Variants in SENP6 observed in about 807,000 individuals in gnomAD.
The protein encoded by SENP6 is sentrin-specific protease 6.
In SENP6, 41 loss-of-function variants were observed where a neutral mutation model predicts 134.5. The ratio of observed to expected loss-of-function variants is 0.30; its 90% CI spans 0.24 to 0.40. SENP6 has a LOEUF of 0.40. Ranked by LOEUF, SENP6 falls within the 10% of genes least tolerant of loss-of-function variation. SENP6 has a pLI of 1.00. For missense variants in SENP6, 1,248 were observed against 1,312.5 expected (o/e 0.95, Z 0.76); for synonymous variants, 395 against 429.8 (o/e 0.92, Z 1.00).
At chr6:75,700,822 A>C (rs746157436) in intron 18 of SENP6, among the ~76,000 whole-genome samples, 2 of 152,144 alleles carry the variant, frequency 1.3e-5, no homozygotes. Context: ...TTTTTTTCAC[A>C]TTGCAACATG....
intron 10 of SENP6, among the ~76,000 whole-genome samples, chr6:75,667,360 A>G (rs1772323789): frequency 1.3e-5 from 2 of 152,216 alleles, no homozygotes; most frequent in South Asian, 2.1e-4. Flanking sequence ...CAGTGTATCT[A>G]GGACAACTAT....
rs750579575 is a variant in SENP6, at chr6:75,666,954, T to C, written c.1224+13T>C. 9.7e-6 allele frequency: 15 copies of C among 1,554,046 alleles called. No homozygotes were observed. In the South Asian group the frequency reaches 1.7e-4, roughly 18 times the overall value. ...AATGAAAGACCAGGTACTTTTCACT[T>C]TTGTTGACATTTGTTCAGATTAATG... On this transcript the variant is annotated intron_variant, in intron 10 of 23. Coordinates refer to ENST00000447266, the MANE Select transcript of SENP6 (RefSeq NM_015571.4).
intron 19 of SENP6, among the ~76,000 whole-genome samples, chr6:75,703,366 A>T (rs540042598): frequency 6.6e-6 from 1 of 152,338 alleles, no homozygotes; most frequent in South Asian, 2.1e-4. Flanking sequence ...CTTTTAATTT[A>T]TACTGAGGTA....
Position 75,663,398 on chromosome 6 carries a change from G to T in SENP6, c.874G>T (p.Asp292Tyr). Residue 292 changes from aspartate (D) to tyrosine (Y), a missense_variant, in exon 9 of 24, where the codon GAT becomes TAT. By Grantham distance (160) the Asp-to-Tyr change is radical. This residue lies in a region of SENP6 where 733 missense variants were observed against 725.4 expected (regional missense o/e 1.01). Coordinates refer to ENST00000447266, the MANE Select transcript of SENP6 (RefSeq NM_015571.4). ...TCCAATTGATATTATTGTGAATTGT[G>T]ATGACAGTAAACACACTTATTTACA... is the stretch of plus-strand genomic sequence containing the variant. The part of the protein sequence containing the change: ...KVPIDIIVNC[D>Y]DSKHTYLQTN... 1 of 1,613,740 alleles carries T rather than the reference G, an allele frequency of 6.2e-7. No individual in the cohort carries two copies. Among genetic ancestry groups the T allele is most frequent in the Non-Finnish European group, 8.5e-7 (1 of 1,179,816 alleles).
Position 75,670,588 on chromosome 6 carries a change from T to C in SENP6, c.1260T>C (p.Arg420=). The part of the protein sequence containing the change: ...GNSIINTPLK[R]RKVFSQEPPD... ...CTATTATCAACACACCTCTGAAACGTCGTAAAGTGTTTTCTCAAGAACCTC... is the reference window on the plus strand; with the variant it reads ...CTATTATCAACACACCTCTGAAACGCCGTAAAGTGTTTTCTCAAGAACCTC... Residue 420 remains arginine (R), a synonymous_variant, in exon 11 of 24, where the codon CGT becomes CGC. Transcript: ENST00000447266. 1.2e-6 allele frequency: 2 copies of C among 1,612,970 alleles called. No individual in the cohort carries two copies. The highest frequency in any genetic ancestry group is 1.7e-6 in the Non-Finnish European group (2 of 1,179,378).
chr6:75,622,725 C>G (rs775742626), intron 2 of SENP6: 3 of 1,147,066 alleles, frequency 2.6e-6, no homozygotes, highest in South Asian at 2.6e-5. Context: ...AGAAGTCATT[C>G]AGAATATATT....
intron 18 of SENP6, 49 bp downstream of exon 18, chr6:75,697,566 TGGCAA>T: frequency 7.7e-7 from 1 of 1,306,990 alleles, no homozygotes; most frequent in Middle Eastern, 1.9e-4. Context: ...ATGTAAATGA[TGGCAA>T]TTTTTAAATA....
intron 1 of SENP6, 27 bp downstream of exon 1, chr6:75,602,603 G>T (rs1766713134): frequency 2.6e-6 from 4 of 1,547,722 alleles, no homozygotes; most frequent in Non-Finnish European, 2.6e-6. Context: ...CCTTGACGGG[G>T]AGAAGGGAGG....
intron 9 of SENP6, among the ~76,000 whole-genome samples, chr6:75,666,153 A>G (rs1013658546): frequency 2.1e-4 from 11 of 53,214 alleles, no homozygotes; most frequent in African/African-American, 6.5e-4. Flanking sequence ...TATATAAAAC[A>G]TATATGATAT....
chr6:75,695,191 T>A (rs1275548259), intron 16 of SENP6, among the ~76,000 whole-genome samples: 2 of 152,044 alleles, frequency 1.3e-5, no homozygotes, highest in Non-Finnish European at 2.9e-5. Context: ...AGGTTTTTGG[T>A]TTTTTGTGTG....
chr6:75,692,145 C>T (rs534977560), intron 16 of SENP6, among the ~76,000 whole-genome samples: 2 of 152,252 alleles, frequency 1.3e-5, no homozygotes, highest in East Asian at 1.9e-4. Flanking sequence ...CGTGAGCCAC[C>T]GCGCCTGGCC....
At chr6:75,626,023 G>A (rs1025191984) in intron 3 of SENP6, among the ~76,000 whole-genome samples, 1 of 152,132 alleles carries the variant, frequency 6.6e-6, no homozygotes, top group African/African-American at 2.4e-5. Flanking sequence ...GCAGGTATAT[G>A]TATAGTTCCA....
chr6:75,689,438 A>C (rs1464136492), intron 16 of SENP6, among the ~76,000 whole-genome samples: 1 of 152,130 alleles, frequency 6.6e-6, no homozygotes, highest in Non-Finnish European at 1.5e-5. Context: ...AAAACAGAAA[A>C]TAAGTGTTGA....
At chr6:75,631,077 T>C (rs989389802) in intron 3 of SENP6, among the ~76,000 whole-genome samples, 33 of 152,274 alleles carry the variant, frequency 2.2e-4, no homozygotes, top group Admixed American at 2.0e-3. Context: ...ATAGAACTGC[T>C]GTTGGTTCTC....
At chr6:75,689,580 C>T (rs574535415) in intron 16 of SENP6, among the ~76,000 whole-genome samples, 2 of 152,282 alleles carry the variant, frequency 1.3e-5, no homozygotes, top group Admixed American at 6.5e-5. Context: ...TATACAGTCT[C>T]GTGCCACATA....
At chr6:75,638,608 ATATATATATATATATTTTTTTTTTT>A (rs1170078645) in intron 5 of SENP6, among the ~76,000 whole-genome samples, 4 of 43,590 alleles carry the variant, frequency 9.2e-5, no homozygotes, top group African/African-American at 1.8e-4. Flanking sequence ...ATATATATAT[ATATATATATATATATTTTTTTTTTT>A]TTTTTTTTTT....
rs545045661 is a variant in SENP6 at position 75,707,677 on chromosome 6, T to G, written c.2717-1850T>G. Among the ~76,000 whole-genome samples the G allele has an allele frequency of 1.2e-3, 182 of 152,104 alleles. 1 individual carries two copies. Among genetic ancestry groups the G allele is most frequent in the African/African-American group, 3.4e-3 (140 of 41,486 alleles). ...TCAGCCCATAGTGCTTTTTTGTTGT[T>G]GTGGTGGTGGATTTTTGTTCTTTTT... On this transcript the variant is annotated intron_variant, in intron 19 of 23. Transcript: ENST00000447266.
intron 16 of SENP6, 124 bp from the exon 17 acceptor site, chr6:75,695,680 T>G (rs1258519798): frequency 1.7e-6 from 1 of 600,856 alleles, no homozygotes; most frequent in Non-Finnish European, 2.7e-6. Flanking sequence ...GAGGTTGCAG[T>G]GAGTTGAGAT....
At chr6:75,697,057 C>G (rs540166516) in intron 17 of SENP6, among the ~76,000 whole-genome samples, 1 of 152,270 alleles carries the variant, frequency 6.6e-6, no homozygotes, top group South Asian at 2.1e-4. Context: ...ATAATGCTCA[C>G]TTTTCCTACT....
Sources: allele counts gnomAD v4.1 joint callset (sites outside exome capture counted in the v4.1 genomes callset), GRCh38; gene constraint gnomAD v4.1.1; regional missense constraint gnomAD v4.1.1; transcripts MANE v1.5; gene names NCBI Gene and HGNC (gene_info 2026-07-23, HGNC 2026-07-21).